Variants in ASIC2 observed in about 807,000 individuals in gnomAD.
ASIC2 encodes acid-sensing ion channel 2.
A neutral mutation model predicts 57.3 loss-of-function variants in ASIC2; 25 were observed. That is an observed-to-expected ratio of 0.44 (90% CI 0.32 to 0.61). ASIC2 has a LOEUF of 0.61. Among genes scored for constraint, ASIC2 ranks in the 20% least tolerant of loss-of-function variants. ASIC2 has a pLI of 0.06. For missense variants in ASIC2, 641 were observed against 738.1 expected (o/e 0.87, Z 1.52); for synonymous variants, 319 against 307.5 (o/e 1.04, Z -0.39).
chr17:34,032,366 T>G (rs1391977245), intron 1 of ASIC2, among the ~76,000 whole-genome samples: 3 of 152,290 alleles, frequency 2.0e-5, no homozygotes, highest in Admixed American at 2.0e-4. Flanking sequence ...AAGGAAGCAC[T>G]AAACATGGAA....
chr17:33,823,245 AC>A (rs1912803363), intron 1 of ASIC2, among the ~76,000 whole-genome samples: 1 of 152,150 alleles, frequency 6.6e-6, no homozygotes, highest in Admixed American at 6.6e-5. Flanking sequence ...TGAGATTTGA[AC>A]CCAAGCCTTC....
Position 34,134,066 on chromosome 17 carries a change from C to T in ASIC2, c.555+21912G>A, listed in dbSNP as rs541934434. Among the ~76,000 whole-genome samples the T allele has an allele frequency of 1.1e-4, 17 of 152,312 alleles. No homozygotes were observed. The South Asian group carries it at 3.5e-3, about 32-fold the overall frequency. ...AAGTTCACATAGCTGATGAGTGCTA[C>T]AGTCAGCTTCCAGGTACTGATTCTC... On this transcript the variant is annotated intron_variant, in intron 1 of 9. Transcript: ENST00000359872.
intron 1 of ASIC2, among the ~76,000 whole-genome samples, chr17:33,704,270 G>GT (rs1197684796): frequency 1.3e-5 from 2 of 152,204 alleles, no homozygotes; most frequent in African/African-American, 4.8e-5. Context: ...ACAACCCTGG[G>GT]TGGAGATTCA....
chr17:33,635,248 G>A (rs1906318204), intron 1 of ASIC2, among the ~76,000 whole-genome samples: 1 of 152,154 alleles, frequency 6.6e-6, no homozygotes, highest in Admixed American at 6.5e-5. Flanking sequence ...TAATAATAAC[G>A]TAGCTAAGAT....
intron 1 of ASIC2, among the ~76,000 whole-genome samples, chr17:34,087,413 T>A (rs1459711137): frequency 2.0e-5 from 3 of 152,212 alleles, no homozygotes; most frequent in Non-Finnish European, 4.4e-5. Context: ...AGATCAGCTG[T>A]TAGTCTGATG....
At chr17:33,017,233 T>C (rs28926) in intron 8 of ASIC2, among the ~76,000 whole-genome samples, 2,011 of 152,154 alleles carry the variant, frequency 0.013, 27 homozygotes, top group Non-Finnish European at 0.021. Context: ...TGTGCAGGTG[T>C]GGACATGCTC....
At chr17:33,551,135 A>T (rs181304380) in intron 1 of ASIC2, among the ~76,000 whole-genome samples, 17 of 152,352 alleles carry the variant, frequency 1.1e-4, no homozygotes, top group African/African-American at 3.8e-4. Context: ...ATGCAAACCT[A>T]CTACACAAAA....
rs2091807311 is a variant in ASIC2, at chr17:33,016,650, C to T, written c.1522-611G>A. On this transcript the variant is annotated intron_variant, in intron 8 of 9. Transcript: ENST00000225823. ...CTGTGCTGAGACGCATGAGATTCTC[C>T]AGAGGAGCCTGGTTACTGGGGCACG... Among the ~76,000 whole-genome samples, 5 of 152,048 alleles carry T rather than the reference C, an allele frequency of 3.3e-5. No individual in the cohort carries two copies. The South Asian group carries it at 1.0e-3, about 32-fold the overall frequency.
chr17:33,967,190 C>T (rs1239477207), intron 1 of ASIC2, among the ~76,000 whole-genome samples: 3 of 152,072 alleles, frequency 2.0e-5, no homozygotes, highest in Non-Finnish European at 4.4e-5. Flanking sequence ...CAGCACCCAC[C>T]CCCCAACCAC....
At chr17:33,028,474 A>T (rs563579912) in intron 3 of ASIC2, 82 bp from the exon 4 acceptor site, 81 of 1,505,480 alleles carry the variant, frequency 5.4e-5, no homozygotes, top group Non-Finnish European at 5.5e-5. Context: ...TCAACAAACA[A>T]TTATTGAGCA....
chr17:33,395,276 T>C (rs1597712856), intron 1 of ASIC2, among the ~76,000 whole-genome samples: 1 of 151,862 alleles, frequency 6.6e-6, no homozygotes. Context: ...GATAAAGACA[T>C]AACCGAGACG....
chr17:33,622,014 T>C (rs2142021624), intron 1 of ASIC2, among the ~76,000 whole-genome samples: 1 of 152,164 alleles, frequency 6.6e-6, no homozygotes, highest in South Asian at 2.1e-4. Flanking sequence ...ATGTTGACTG[T>C]TGGCACTATG....
chr17:33,248,413 C>T (rs922592775), intron 1 of ASIC2, among the ~76,000 whole-genome samples: 2 of 152,178 alleles, frequency 1.3e-5, no homozygotes, highest in Non-Finnish European at 2.9e-5. Context: ...TGTTTTTGAA[C>T]AAATGATTAA....
intron 2 of ASIC2, among the ~76,000 whole-genome samples, chr17:33,090,157 T>G (rs530695345): frequency 4.6e-5 from 7 of 152,198 alleles, no homozygotes; most frequent in Non-Finnish European, 7.3e-5. Flanking sequence ...CAAATGCATC[T>G]CCTTCTGCCC....
Position 33,552,994 on chromosome 17 carries a change from T to C in ASIC2, c.556-440927A>G, listed in dbSNP as rs546190672. 3.5e-4 allele frequency among the ~76,000 whole-genome samples: 54 copies of C among 152,266 alleles called. 2 individuals are homozygous for C. In the South Asian group the frequency reaches 0.011, roughly 31 times the overall value. On this transcript the variant is annotated intron_variant, in intron 1 of 9. Transcript: ENST00000359872. ...CCCTGGGCCCACTGGACAATGTCTGTAGAAGAGGGGCTCTGAGCAGCAGGG... is the reference window on the plus strand; with the variant it reads ...CCCTGGGCCCACTGGACAATGTCTGCAGAAGAGGGGCTCTGAGCAGCAGGG...
At chr17:33,598,305 C>A (rs1377545586) in intron 1 of ASIC2, among the ~76,000 whole-genome samples, 1 of 152,206 alleles carries the variant, frequency 6.6e-6, no homozygotes, top group Non-Finnish European at 1.5e-5. Flanking sequence ...AGCTCTGTGA[C>A]CCTGACTGAT....
chr17:33,084,883 G>A (rs548708496), intron 3 of ASIC2, among the ~76,000 whole-genome samples: 32 of 152,270 alleles, frequency 2.1e-4, no homozygotes, highest in African/African-American at 7.7e-4. Context: ...TTGTTTTTAG[G>A]GCAAATGCAG....
At chr17:33,608,074 A>ATC (rs1834196305) in intron 1 of ASIC2, among the ~76,000 whole-genome samples, 1 of 152,120 alleles carries the variant, frequency 6.6e-6, no homozygotes, top group South Asian at 2.1e-4. Context: ...AGGAAATACA[A>ATC]TCGGGCCAAG....
chr17:33,688,622 G>A (rs1432776309), intron 1 of ASIC2, among the ~76,000 whole-genome samples: 2 of 152,180 alleles, frequency 1.3e-5, no homozygotes, highest in African/African-American at 2.4e-5. Context: ...TAAAATGTTT[G>A]TGGATTGGAT....
Sources: gnomAD v4.1 joint callset for allele counts (sites outside exome capture counted in the v4.1 genomes callset) on GRCh38, gnomAD v4.1.1 for gene constraint, MANE v1.5 for transcripts, NCBI Gene and HGNC (gene_info 2026-07-23, HGNC 2026-07-21) for gene names.